Variants in MAP3K13 observed in about 807,000 individuals in gnomAD.
The protein encoded by MAP3K13 is mitogen-activated protein kinase kinase kinase 13.
In MAP3K13, 52 loss-of-function variants were observed where a neutral mutation model predicts 104.0. The ratio of observed to expected loss-of-function variants is 0.50; its 90% CI spans 0.40 to 0.63. The LOEUF is 0.63. MAP3K13 is among the 20% of genes least tolerant of loss of function. The pLI, the probability that MAP3K13 is intolerant of heterozygous loss-of-function variation, is 0.00. For synonymous variants in MAP3K13, 394 were observed against 442.2 expected (o/e 0.89, Z 1.37); for missense variants, 914 against 1,218.5 (o/e 0.75, Z 3.72).
intron 1 of MAP3K13, among the ~76,000 whole-genome samples, chr3:185,403,802 A>G (rs1376357915): frequency 6.6e-6 from 1 of 152,252 alleles, no homozygotes; most frequent in Non-Finnish European, 1.5e-5. Context: ...AATGAAATGC[A>G]TAGATAATAT....
At chr3:185,400,286 C>T (rs1712717835) in intron 1 of MAP3K13, among the ~76,000 whole-genome samples, 1 of 152,214 alleles carries the variant, frequency 6.6e-6, no homozygotes, top group South Asian at 2.1e-4. Flanking sequence ...TGATATTCTC[C>T]ATACCCCTTC....
At chr3:185,363,539 C>A (rs896100934) in intron 1 of MAP3K13, among the ~76,000 whole-genome samples, 171 bp downstream of exon 1, 3 of 152,114 alleles carry the variant, frequency 2.0e-5, no homozygotes, top group Non-Finnish European at 2.9e-5. Flanking sequence ...CAGCTAGGAG[C>A]CTCTGAAACT....
chr3:185,298,475 T>C (rs1720992320), intron 2 of MAP3K13, among the ~76,000 whole-genome samples: 1 of 152,256 alleles, frequency 6.6e-6, no homozygotes, highest in Non-Finnish European at 1.5e-5. Context: ...TGTTGCTGAT[T>C]AAATTTGTGT....
At chr3:185,360,951 C>T (rs1478329438), upstream of MAP3K13, among the ~76,000 whole-genome samples, 1 of 150,810 alleles carries the variant, frequency 6.6e-6, no homozygotes, top group African/African-American at 2.4e-5. Flanking sequence ...CTCAGCTTCC[C>T]GAGTAGCTGG....
At chr3:185,374,179 A>C (rs1724305267) in intron 1 of MAP3K13, among the ~76,000 whole-genome samples, 1 of 152,060 alleles carries the variant, frequency 6.6e-6, no homozygotes, top group Non-Finnish European at 1.5e-5. Flanking sequence ...GGCCATCTAG[A>C]TGTATACTGC....
Position 185,405,028 on chromosome 3 carries a change from T to G in MAP3K13, c.-85-23469T>G, listed in dbSNP as rs1577516551. Among the ~76,000 whole-genome samples the G allele has an allele frequency of 2.6e-5, 4 of 152,338 alleles. No homozygotes were observed. In the South Asian group the frequency reaches 8.3e-4, roughly 32 times the overall value. ...ATGTATAAAATTGTAAGTTCTTAGT[T>G]GATGTTCTCACTAGCAATGCATTTC... On this transcript the variant is annotated intron_variant, in intron 1 of 13. Transcript: ENST00000265026.
At chr3:185,373,118 A>T (rs1724238520) in intron 1 of MAP3K13, among the ~76,000 whole-genome samples, 1 of 152,190 alleles carries the variant, frequency 6.6e-6, no homozygotes, top group Non-Finnish European at 1.5e-5. Flanking sequence ...ATGTTCTAAG[A>T]AATCACTTCT....
intron 4 of MAP3K13, among the ~76,000 whole-genome samples, chr3:185,446,278 T>C (rs1032597225): frequency 3.3e-5 from 5 of 150,850 alleles, no homozygotes; most frequent in Non-Finnish European, 5.9e-5. Context: ...TTTTTTGAGA[T>C]GGGGTCTCGC....
At position 185,465,913 on chromosome 3, in the gene MAP3K13, A is replaced by C. The variant is rs569185673; in HGVS notation, c.1505+50A>C. On this transcript the variant is annotated intron_variant, in intron 9 of 13. Coordinates refer to ENST00000265026, the MANE Select transcript of MAP3K13 (RefSeq NM_004721.5). ...TCTTACTGATTTGAGTCTGTCAATCAGCAGAAACATACTACCCTTCCATGT... is the reference window on the plus strand; with the variant it reads ...TCTTACTGATTTGAGTCTGTCAATCCGCAGAAACATACTACCCTTCCATGT... The C allele has an allele frequency of 6.2e-5, 80 of 1,290,680 alleles. No individual in the cohort carries two copies. In the South Asian group the frequency reaches 9.3e-4, roughly 15 times the overall value. The allele number at this position is 1,290,680 out of a possible 1,614,324, so 80.0% of individuals were successfully genotyped here. A position where few individuals can be genotyped will look rare whatever the true frequency, so the allele number is the denominator to read the frequency against.
At chr3:185,334,402 G>A (rs552277330) in intron 2 of MAP3K13, among the ~76,000 whole-genome samples, 1 of 152,150 alleles carries the variant, frequency 6.6e-6, no homozygotes, top group Admixed American at 6.5e-5. Flanking sequence ...TATAATACGT[G>A]ACTTGAACAC....
At chr3:185,382,582 G>A (rs1724779369) in intron 1 of MAP3K13, among the ~76,000 whole-genome samples, 1 of 152,172 alleles carries the variant, frequency 6.6e-6, no homozygotes, top group African/African-American at 2.4e-5. Context: ...CCCCAGTGTT[G>A]GAGGTGAGGC....
At chr3:185,294,993 C>A (rs182829377) in intron 2 of MAP3K13, among the ~76,000 whole-genome samples, 1 of 152,170 alleles carries the variant, frequency 6.6e-6, no homozygotes, top group East Asian at 1.9e-4. Context: ...CTCCTCCCCC[C>A]TCTAATCTCA....
intron 1 of MAP3K13, among the ~76,000 whole-genome samples, chr3:185,402,467 G>A (rs905145066): frequency 6.6e-5 from 10 of 151,988 alleles, no homozygotes; most frequent in Admixed American, 2.0e-4. Flanking sequence ...TTCTTCTAGT[G>A]TGTACTTTTA....
At chr3:185,385,284 G>A (rs1711619973) in intron 1 of MAP3K13, among the ~76,000 whole-genome samples, 1 of 152,108 alleles carries the variant, frequency 6.6e-6, no homozygotes, top group Admixed American at 6.5e-5. Flanking sequence ...CCGAGTGGCT[G>A]GGATTACAGG....
intron 1 of MAP3K13, among the ~76,000 whole-genome samples, chr3:185,400,151 T>C (rs1207924481): frequency 6.6e-6 from 1 of 152,186 alleles, no homozygotes; most frequent in Non-Finnish European, 1.5e-5. Flanking sequence ...GAATCCACCT[T>C]TCCAGCCCTA....
chr3:185,334,934 A>T (rs566487563), intron 2 of MAP3K13, among the ~76,000 whole-genome samples: 1 of 152,040 alleles, frequency 6.6e-6, no homozygotes. Context: ...TTATAGGGGG[A>T]AAAAATTTCA....
At chr3:185,364,311 A>T (rs1331902054) in intron 1 of MAP3K13, among the ~76,000 whole-genome samples, 1 of 152,218 alleles carries the variant, frequency 6.6e-6, no homozygotes, top group Non-Finnish European at 1.5e-5. Context: ...GAGAGTAAAG[A>T]AGAGGGATGT....
intron 5 of MAP3K13, among the ~76,000 whole-genome samples, chr3:185,449,187 C>T (rs1172784056): frequency 2.6e-5 from 4 of 151,966 alleles, no homozygotes; most frequent in Non-Finnish European, 5.9e-5. Flanking sequence ...GCCTGGCCAA[C>T]ATGGTGAAAT....
At chr3:185,308,041 C>CTTTTT (rs1455146477) in intron 2 of MAP3K13, among the ~76,000 whole-genome samples, 14 of 100,994 alleles carry the variant, frequency 1.4e-4, no homozygotes, top group East Asian at 3.1e-4. Flanking sequence ...TTGAGACTTA[C>CTTTTT]TTTGTTCCCT....
Sources: gnomAD v4.1 joint callset for allele counts (sites outside exome capture counted in the v4.1 genomes callset) on GRCh38, gnomAD v4.1.1 for gene constraint, MANE v1.5 for transcripts, NCBI Gene and HGNC (gene_info 2026-07-23, HGNC 2026-07-21) for gene names.